GMPR: variants seen among roughly 807,000 people sequenced by gnomAD.
GMPR encodes guanosine monophosphate reductase.
Under a neutral mutation model 38.4 loss-of-function variants are expected in GMPR, and 31 were observed. The observed-to-expected ratio is 0.81, with a 90% CI of 0.61 to 1.09. The LOEUF is 1.09. GMPR is among the 50% of genes least tolerant of loss of function. The probability of loss-of-function intolerance (pLI) is 0.00; values close to 1 mark genes in which losing one functional copy is unlikely to be tolerated. For synonymous variants in GMPR, 162 were observed against 173.3 expected (o/e 0.93, Z 0.51); for missense variants, 468 against 453.7 (o/e 1.03, Z -0.29).
intron 8 of GMPR, among the ~76,000 whole-genome samples, chr6:16,294,672 A>G (rs983476329): frequency 1.3e-5 from 2 of 152,348 alleles, no homozygotes; most frequent in Non-Finnish European, 2.9e-5. Flanking sequence ...TGTTAGCAGC[A>G]GAGGGGAGCA....
At chr6:16,270,918 G>A (rs1408059382) in intron 4 of GMPR, among the ~76,000 whole-genome samples, 1 of 152,206 alleles carries the variant, frequency 6.6e-6, no homozygotes, top group East Asian at 1.9e-4. Context: ...CAGTTGAGGT[G>A]GCTCATACCT....
At chr6:16,249,396 C>G (rs975206065) in intron 2 of GMPR, among the ~76,000 whole-genome samples, 1 of 152,126 alleles carries the variant, frequency 6.6e-6, no homozygotes, top group Non-Finnish European at 1.5e-5. Flanking sequence ...TTTTGAACTC[C>G]TGACCTCAGG....
chr6:16,290,654 G>T (rs775506022), intron 8 of GMPR, 33 bp downstream of exon 8: 4 of 1,592,300 alleles, frequency 2.5e-6, no homozygotes, highest in Non-Finnish European at 3.4e-6. Context: ...CACCCTCGAG[G>T]CCTGGCCTTG....
chr6:16,287,170 CAG>C (rs1491579442), intron 7 of GMPR, among the ~76,000 whole-genome samples: 5 of 152,326 alleles, frequency 3.3e-5, no homozygotes, highest in East Asian at 3.9e-4. Flanking sequence ...GCCCTACAAT[CAG>C]GGGCAGAACA....
intron 2 of GMPR, among the ~76,000 whole-genome samples, chr6:16,248,013 T>C (rs1045956641): frequency 6.6e-6 from 1 of 151,918 alleles, no homozygotes; most frequent in Non-Finnish European, 1.5e-5. Context: ...GCGGATTGCT[T>C]GAGCTCAGGA....
At chr6:16,245,213 G>A (rs1310021190) in intron 1 of GMPR, among the ~76,000 whole-genome samples, 2 of 152,136 alleles carry the variant, frequency 1.3e-5, no homozygotes, top group African/African-American at 2.4e-5. Flanking sequence ...AGAAAGGGAC[G>A]TGCCACTGCG....
At chr6:16,294,683 C>T (rs939991382) in intron 8 of GMPR, among the ~76,000 whole-genome samples, 1 of 152,200 alleles carries the variant, frequency 6.6e-6, no homozygotes, top group African/African-American at 2.4e-5. Flanking sequence ...GAGGGGAGCA[C>T]GTTGCTGGAG....
At chr6:16,239,161 G>C (rs781138242) in intron 1 of GMPR, among the ~76,000 whole-genome samples, 2 of 152,218 alleles carry the variant, frequency 1.3e-5, no homozygotes, top group Non-Finnish European at 2.9e-5. Flanking sequence ...GCAGATCCCG[G>C]TGATTTTTGG....
chr6:16,288,844 T>G (rs34091725), intron 7 of GMPR, among the ~76,000 whole-genome samples: 34,335 of 151,818 alleles, frequency 0.23, 4,045 homozygotes, highest in South Asian at 0.26. Context: ...CTAGCTCAGG[T>G]TTTGTGAATG....
rs994571978 is a variant in GMPR, at chr6:16,288,562, G to A, written c.698-1900G>A. ...CGCCCCCTCCACGGGCTCCTGTGCG[G>A]CGGGAGCCTCCCTAATGAGCGCCGC... On this transcript the variant is annotated intron_variant, in intron 7 of 8. Coordinates refer to ENST00000259727, the MANE Select transcript of GMPR (RefSeq NM_006877.4). 5.3e-5 allele frequency among the ~76,000 whole-genome samples: 8 copies of A among 152,288 alleles called. No homozygotes were observed. In the South Asian group the frequency reaches 8.3e-4, roughly 16 times the overall value.
chr6:16,285,723 C>T (rs1273603114), intron 6 of GMPR, 70 bp from the exon 7 acceptor site: 8 of 1,335,816 alleles, frequency 6.0e-6, no homozygotes, highest in Middle Eastern at 3.6e-4. Context: ...ACTAGGTCAT[C>T]TGGGGGGAGG....
chr6:16,271,235 C>T (rs958651391), intron 4 of GMPR, among the ~76,000 whole-genome samples: 1 of 152,200 alleles, frequency 6.6e-6, no homozygotes, highest in African/African-American at 2.4e-5. Context: ...CCTGTAATCC[C>T]AGCACTTTGG....
intron 6 of GMPR, 75 bp from the exon 7 acceptor site, chr6:16,285,718 G>T: frequency 8.1e-7 from 1 of 1,234,800 alleles, no homozygotes; most frequent in Non-Finnish European, 1.2e-6. Flanking sequence ...CAGTCACTAG[G>T]TCATCTGGGG....
chr6:16,285,719 T>A, intron 6 of GMPR, 74 bp from the exon 7 acceptor site: 2 of 1,240,630 alleles, frequency 1.6e-6, no homozygotes, highest in Non-Finnish European at 2.4e-6. Context: ...AGTCACTAGG[T>A]CATCTGGGGG....
chr6:16,257,932 C>T (rs1392896723), intron 4 of GMPR: 1 of 152,184 alleles, frequency 6.6e-6, no homozygotes, highest in East Asian at 1.9e-4. Context: ...AACATTCAGC[C>T]CATAGCACCC....
chr6:16,238,648 C>G lies in GMPR; in HGVS notation c.-46C>G. 1 of 946,374 alleles carries G rather than the reference C, an allele frequency of 1.1e-6. No individual in the cohort carries two copies. The highest frequency in any genetic ancestry group is 1.4e-6 in the Non-Finnish European group (1 of 730,050). 58.6% of individuals were successfully genotyped at this position (946,374 alleles called of 1,614,324 possible). A position where few individuals can be genotyped will look rare whatever the true frequency, so the allele number is the denominator to read the frequency against. ...CTCCCCGCGCCGCCCCGCGCAGGCGCCCCCGCCCCGCCGTCGCCGCCGCCG... is the reference window on the plus strand; with the variant it reads ...CTCCCCGCGCCGCCCCGCGCAGGCGGCCCCGCCCCGCCGTCGCCGCCGCCG... On this transcript the variant is annotated 5_prime_UTR_variant, in exon 1 of 9. Coordinates refer to ENST00000259727, the MANE Select transcript of GMPR (RefSeq NM_006877.4).
intron 1 of GMPR, among the ~76,000 whole-genome samples, chr6:16,243,674 A>G (rs1465509803): frequency 6.6e-6 from 1 of 152,182 alleles, no homozygotes; most frequent in Admixed American, 6.5e-5. Flanking sequence ...CTGTAGATCT[A>G]GGAAAAGGAG....
intron 6 of GMPR, among the ~76,000 whole-genome samples, chr6:16,285,109 G>A (rs1301136071): frequency 6.6e-6 from 1 of 151,598 alleles, no homozygotes; most frequent in East Asian, 1.9e-4. Flanking sequence ...TGTAGCTGGA[G>A]TTTAAACATT....
At chr6:16,280,562 G>A (rs1451809000) in intron 6 of GMPR, among the ~76,000 whole-genome samples, 3 of 152,140 alleles carry the variant, frequency 2.0e-5, no homozygotes, top group Non-Finnish European at 2.9e-5. Flanking sequence ...TAGAACTGTC[G>A]GTCTACATTT....
Sources: allele counts gnomAD v4.1 joint callset (sites outside exome capture counted in the v4.1 genomes callset), GRCh38; gene constraint gnomAD v4.1.1; transcripts MANE v1.5; gene names NCBI Gene and HGNC (gene_info 2026-07-23, HGNC 2026-07-21).